Variants in KIRREL3 observed in about 807,000 individuals in gnomAD.
KIRREL3 encodes kirre like nephrin family adhesion molecule 3, also known as kin of IRRE-like protein 3.
KIRREL3 carries 36 observed loss-of-function variants against 89.7 expected under a neutral mutation model. The observed-to-expected ratio is 0.40, with a 90% CI of 0.31 to 0.53. The LOEUF is 0.53. Among genes scored for constraint, KIRREL3 ranks in the 20% least tolerant of loss-of-function variants. The pLI is 0.49. For missense variants in KIRREL3, 864 were observed against 1,056.6 expected (o/e 0.82, Z 2.53); for synonymous variants, 445 against 441.4 (o/e 1.01, Z -0.10).
rs1466877406 is a variant in KIRREL3 at position 126,677,002 on chromosome 11, G to A, written c.56-114090C>T. On this transcript the variant is annotated intron_variant, in intron 1 of 16. Transcript: ENST00000525144. The surrounding 1 kb of genome is among the most constrained non-coding windows in gnomAD (Gnocchi z 5.1). ...AGGGTCTTGCTGTGTTGCCAGGGCT[G>A]ATCTTGAACTCCTGGGCTCAAGTGA... is the stretch of plus-strand genomic sequence containing the variant. 6.6e-6 allele frequency among the ~76,000 whole-genome samples: 1 copy of A among 151,696 alleles called. No homozygotes were observed. Among genetic ancestry groups the A allele is most frequent in the Non-Finnish European group, 1.5e-5 (1 of 67,914 alleles).
Position 126,973,927 on chromosome 11 carries a change from A to G in KIRREL3, c.55+26528T>C, listed in dbSNP as rs2135223552. Among the ~76,000 whole-genome samples, 2 of 152,206 alleles carry G rather than the reference A, an allele frequency of 1.3e-5. 1 individual carries two copies. Among genetic ancestry groups the G allele is most frequent in the South Asian group, 4.2e-4 (2 of 4,818 alleles). ...TAATGTCCTTTCCTTCCCTTGTGGT[A>G]CTTGCATTTTCTCTCCCTACCAGAA... On this transcript the variant is annotated intron_variant, in intron 1 of 16. Transcript: ENST00000525144.
At chr11:126,442,791 T>C (rs1202661783) in intron 10 of KIRREL3, among the ~76,000 whole-genome samples, 2 of 152,260 alleles carry the variant, frequency 1.3e-5, no homozygotes, top group East Asian at 3.9e-4. Flanking sequence ...CTCATCCACC[T>C]GCCTCCAGGT....
chr11:126,704,914 C>T lies in KIRREL3; in HGVS notation c.56-142002G>A, dbSNP rs1253418392. Among the ~76,000 whole-genome samples the T allele has an allele frequency of 2.6e-5, 4 of 152,130 alleles. No individual in the cohort carries two copies. Among genetic ancestry groups the T allele is most frequent in the African/African-American group, 9.7e-5 (4 of 41,446 alleles). On this transcript the variant is annotated intron_variant, in intron 1 of 16. Coordinates refer to ENST00000525144, the MANE Select transcript of KIRREL3 (RefSeq NM_032531.4). The surrounding 1 kb of genome is among the most constrained non-coding windows in gnomAD (Gnocchi z 4.2). ...CATGCCATGGGATGAAAGCCTCTGC[C>T]CTGTATGTCTGGCCACCTTGCTAAA...
chr11:126,722,423 T>C, intron 1 of KIRREL3, among the ~76,000 whole-genome samples: 1 of 152,292 alleles, frequency 6.6e-6, no homozygotes, highest in East Asian at 1.9e-4. Context: ...ATTTATGTTT[T>C]CTGTTTAGCT....
intron 1 of KIRREL3, among the ~76,000 whole-genome samples, chr11:126,746,905 G>A (rs113329667): frequency 1.5e-3 from 230 of 152,300 alleles, no homozygotes; most frequent in Non-Finnish European, 2.1e-3. Context: ...ACAGCCTCAC[G>A]TGGCCCTGAG....
At chr11:126,603,062 G>A (rs555788871) in intron 1 of KIRREL3, among the ~76,000 whole-genome samples, 14 of 152,204 alleles carry the variant, frequency 9.2e-5, no homozygotes, top group African/African-American at 2.2e-4. Flanking sequence ...TTCACCCACC[G>A]TCACCCTGCA....
intron 4 of KIRREL3, among the ~76,000 whole-genome samples, chr11:126,494,952 C>T (rs368570905): frequency 3.2e-4 from 48 of 152,302 alleles, no homozygotes; most frequent in African/African-American, 1.1e-3. Context: ...TGGCGTGGGA[C>T]GGGGAGAAGC....
intron 1 of KIRREL3, among the ~76,000 whole-genome samples, chr11:126,693,712 G>C (rs1946974214): frequency 6.6e-6 from 1 of 152,074 alleles, no homozygotes; most frequent in Non-Finnish European, 1.5e-5. Context: ...AGCGTATGTA[G>C]CCTTCTACAT....
At chr11:126,767,610 C>T (rs899723531) in intron 1 of KIRREL3, among the ~76,000 whole-genome samples, 1 of 152,124 alleles carries the variant, frequency 6.6e-6, no homozygotes, top group African/African-American at 2.4e-5. Context: ...AAGCACCTTG[C>T]CCAGGGTTCA....
intron 1 of KIRREL3, among the ~76,000 whole-genome samples, chr11:126,992,745 T>C (rs1950069918): frequency 6.6e-6 from 1 of 152,178 alleles, no homozygotes; most frequent in Non-Finnish European, 1.5e-5. Context: ...CAGTGCTGTT[T>C]CCTCTTCTGG....
In KIRREL3 at chr11:126,763,642, G is replaced by C. The variant is rs1327423988; in HGVS notation, c.56-200730C>G. 6.6e-6 allele frequency among the ~76,000 whole-genome samples: 1 copy of C among 152,178 alleles called. No homozygotes were observed. The highest frequency in any genetic ancestry group is 1.9e-4 in the East Asian group (1 of 5,194). On this transcript the variant is annotated intron_variant, in intron 1 of 16. Coordinates refer to ENST00000525144, the MANE Select transcript of KIRREL3 (RefSeq NM_032531.4). The surrounding 1 kb of genome is among the most constrained non-coding windows in gnomAD (Gnocchi z 4.7). The stretch of plus-strand genomic sequence containing the variant: ...GGCAATGGCCAGTGGGGCCAGCGCG[G>C]GTTTGAAATCTATCTTCCCCATACT...
chr11:126,448,951 C>T (rs763383613), intron 8 of KIRREL3, 58 bp downstream of exon 8: 2 of 1,525,298 alleles, frequency 1.3e-6, no homozygotes, highest in Non-Finnish European at 1.8e-6. Context: ...TTCTCCAGCT[C>T]TAAGCAGAAA....
In KIRREL3 at chr11:126,663,608, C is replaced by T. The variant is rs139213822; in HGVS notation, c.56-100696G>A. 1.9e-3 allele frequency among the ~76,000 whole-genome samples: 289 copies of T among 152,320 alleles called. 2 individuals are homozygous for T. In the Middle Eastern group the frequency reaches 0.027, roughly 14 times the overall value. On this transcript the variant is annotated intron_variant, in intron 1 of 16. Coordinates refer to ENST00000525144, the MANE Select transcript of KIRREL3 (RefSeq NM_032531.4). Reference sequence around the variant, plus strand: ...TCTCATGGAAGCGTATGCTTCTGTGCTTTCCTGGAAAATGTACTAATAGCT... The same window carrying T: ...TCTCATGGAAGCGTATGCTTCTGTGTTTTCCTGGAAAATGTACTAATAGCT...
rs1366382395 is a variant in KIRREL3, at chr11:126,965,503, G to A, written c.55+34952C>T. 6.6e-6 allele frequency among the ~76,000 whole-genome samples: 1 copy of A among 152,092 alleles called. No individual in the cohort carries two copies. Among genetic ancestry groups the A allele is most frequent in the African/African-American group, 2.4e-5 (1 of 41,418 alleles). ...CTCAGTAACAAGATGCTGGTACTGA[G>A]AAACCAGTATCCTGGAACCCTATTG... is the stretch of plus-strand genomic sequence containing the variant. On this transcript the variant is annotated intron_variant, in intron 1 of 16. Coordinates refer to ENST00000525144, the MANE Select transcript of KIRREL3 (RefSeq NM_032531.4). This position sits in a 1 kb window ranked among gnomAD's most constrained non-coding sequence, Gnocchi z 4.4.
chr11:126,608,712 C>T lies in KIRREL3; in HGVS notation c.56-45800G>A, dbSNP rs1396120208. Among the ~76,000 whole-genome samples the T allele has an allele frequency of 6.6e-6, 1 of 152,218 alleles. No individual in the cohort carries two copies. The highest frequency in any genetic ancestry group is 2.4e-5 in the African/African-American group (1 of 41,450). On this transcript the variant is annotated intron_variant, in intron 1 of 16. Transcript: ENST00000525144. This position sits in a 1 kb window ranked among gnomAD's most constrained non-coding sequence, Gnocchi z 4.9. Reference sequence around the variant, plus strand: ...GGTCCCAGAGGCACTGAGGACTCCTCCTGGAGGCAGGCAGGGGGCTGTCCA... The same window carrying T: ...GGTCCCAGAGGCACTGAGGACTCCTTCTGGAGGCAGGCAGGGGGCTGTCCA...
intron 2 of KIRREL3, among the ~76,000 whole-genome samples, chr11:126,540,035 G>C (rs1236703434): frequency 6.6e-6 from 1 of 152,192 alleles, no homozygotes; most frequent in African/African-American, 2.4e-5. Context: ...GATGGCAAGA[G>C]ATCATCTAAC....
intron 1 of KIRREL3, among the ~76,000 whole-genome samples, chr11:126,866,494 G>C (rs1944922720): frequency 6.6e-6 from 1 of 152,212 alleles, no homozygotes; most frequent in Admixed American, 6.5e-5. Flanking sequence ...GAAATAGGAG[G>C]GGGGCCGGGA....
chr11:126,889,829 C>CT (rs1318511781), intron 1 of KIRREL3, among the ~76,000 whole-genome samples: 2 of 152,136 alleles, frequency 1.3e-5, no homozygotes, highest in Non-Finnish European at 2.9e-5. Context: ...ATTAAATTAG[C>CT]TTTTTTTAAA....
rs942840171 is a variant in KIRREL3 at position 126,489,885 on chromosome 11, G to A, written c.434-16419C>T. Among the ~76,000 whole-genome samples the A allele has an allele frequency of 1.3e-5, 2 of 152,130 alleles. No homozygotes were observed. Among genetic ancestry groups the A allele is most frequent in the Non-Finnish European group, 2.9e-5 (2 of 68,010 alleles). ...GATGGTGTCGAGTTGCAGTGGGTGC[G>A]CTGGGATCAGTCCGGGTTAAAATAC... On this transcript the variant is annotated intron_variant, in intron 4 of 16. Coordinates refer to ENST00000525144, the MANE Select transcript of KIRREL3 (RefSeq NM_032531.4). The surrounding 1 kb of genome is among the most constrained non-coding windows in gnomAD (Gnocchi z 5.5).
Sources: gnomAD v4.1 joint callset for allele counts (sites outside exome capture counted in the v4.1 genomes callset) on GRCh38, gnomAD v4.1.1 for gene constraint, Gnocchi (gnomAD v3.1) non-coding constraint, MANE v1.5 for transcripts, NCBI Gene and HGNC (gene_info 2026-07-23, HGNC 2026-07-21) for gene names.